Variants in CDH4 observed in about 807,000 individuals in gnomAD.
The protein encoded by CDH4 is cadherin-4.
CDH4 carries 33 observed loss-of-function variants against 86.0 expected under a neutral mutation model. The ratio of observed to expected loss-of-function variants is 0.38; its 90% CI spans 0.29 to 0.51. CDH4 has a LOEUF of 0.51. Ranked by LOEUF, CDH4 falls within the 20% of genes least tolerant of loss-of-function variation. CDH4 has a pLI of 0.86. For missense variants in CDH4, 1,114 were observed against 1,307.4 expected, an observed-to-expected ratio of 0.85 and a Z score of 2.28; for synonymous variants, 555 against 549.4, an observed-to-expected ratio of 1.01 and a Z score of -0.14.
At chr20:61,319,352 T>C (rs1382931838) in intron 2 of CDH4, among the ~76,000 whole-genome samples, 1 of 152,032 alleles carries the variant, frequency 6.6e-6, no homozygotes, top group Admixed American at 6.6e-5. Context: ...GATTAAAAAT[T>C]CCCTGTTATG....
At chr20:61,868,247 G>A (rs1488017227) in intron 6 of CDH4, among the ~76,000 whole-genome samples, 1 of 152,178 alleles carries the variant, frequency 6.6e-6, no homozygotes, top group African/African-American at 2.4e-5. Context: ...CGGGCATCCT[G>A]GGGCCGTCTG....
At chr20:61,434,039 G>A (rs2085266147) in intron 2 of CDH4, among the ~76,000 whole-genome samples, 1 of 152,114 alleles carries the variant, frequency 6.6e-6, no homozygotes, top group Non-Finnish European at 1.5e-5. Context: ...TCCTGCAAAG[G>A]GCCAGGCGTT....
At chr20:61,454,363 G>T (rs1011104557) in intron 2 of CDH4, among the ~76,000 whole-genome samples, 2 of 152,182 alleles carry the variant, frequency 1.3e-5, no homozygotes, top group African/African-American at 4.8e-5. Context: ...GATGGGAGGG[G>T]CACCCGGGTC....
chr20:61,544,780 GA>G lies in CDH4; in HGVS notation c.170-198782del, dbSNP rs891548031. ...GGCTTGGTCCATGGACTGGAAGCCTGACTCCCCCGACAGCCCTCCCTGCCCC... is the reference window on the plus strand; with the variant it reads ...GGCTTGGTCCATGGACTGGAAGCCTGCTCCCCCGACAGCCCTCCCTGCCCC... On this transcript the variant is annotated intron_variant, in intron 2 of 15. Transcript: ENST00000614565. The surrounding 1 kb of genome is among the most constrained non-coding windows in gnomAD (Gnocchi z 6.5). Among the ~76,000 whole-genome samples, 45 of 152,128 alleles carry G rather than the reference GA, an allele frequency of 3.0e-4. No homozygotes were observed. Among genetic ancestry groups the G allele is most frequent in the Admixed American group, 4.6e-4 (7 of 15,286 alleles).
chr20:61,562,174 C>G (rs112077150), intron 2 of CDH4, among the ~76,000 whole-genome samples: 88 of 42,546 alleles, frequency 2.1e-3, no homozygotes, highest in East Asian at 3.4e-3. Context: ...AGGGACCTCC[C>G]TGTGGAGAGG....
chr20:61,830,849 G>A (rs1367391423), intron 4 of CDH4, among the ~76,000 whole-genome samples: 1 of 152,214 alleles, frequency 6.6e-6, no homozygotes, highest in Admixed American at 6.5e-5. Flanking sequence ...GGAGCTGCAG[G>A]AGCTTGCCAA....
chr20:61,693,548 G>C (rs1288292360), intron 2 of CDH4, among the ~76,000 whole-genome samples: 2 of 152,246 alleles, frequency 1.3e-5, no homozygotes, highest in Non-Finnish European at 2.9e-5. Flanking sequence ...CACAGTGCCT[G>C]CTGCCCAGCC....
At chr20:61,506,387 C>T (rs985497208) in intron 2 of CDH4, among the ~76,000 whole-genome samples, 2 of 152,214 alleles carry the variant, frequency 1.3e-5, no homozygotes, top group Non-Finnish European at 2.9e-5. Context: ...TTCACATTTC[C>T]TACCATTGGT....
chr20:61,864,809 C>T (rs563781371), intron 6 of CDH4, among the ~76,000 whole-genome samples: 3 of 152,302 alleles, frequency 2.0e-5, no homozygotes, highest in East Asian at 1.9e-4. Context: ...CTGGTGAGTT[C>T]GCTGGGGCCT....
intron 2 of CDH4, among the ~76,000 whole-genome samples, chr20:61,733,155 A>G (rs2088215798): frequency 6.6e-6 from 1 of 152,118 alleles, no homozygotes; most frequent in South Asian, 2.1e-4. Flanking sequence ...GTCTCCTGGG[A>G]CGCTAGGTGC....
At chr20:61,324,484 CCT>C (rs1434905347) in intron 2 of CDH4, among the ~76,000 whole-genome samples, 2 of 152,150 alleles carry the variant, frequency 1.3e-5, no homozygotes, top group Admixed American at 6.6e-5. Context: ...TGCTGGCAGA[CCT>C]TGGCTGTGGG....
At chr20:61,448,580 C>T (rs1568848986) in intron 2 of CDH4, among the ~76,000 whole-genome samples, 1 of 152,048 alleles carries the variant, frequency 6.6e-6, no homozygotes, top group Non-Finnish European at 1.5e-5. Flanking sequence ...AAGGACAAAG[C>T]GGACTCTGAT....
intron 2 of CDH4, among the ~76,000 whole-genome samples, chr20:61,570,988 C>T (rs946892151): frequency 4.6e-5 from 7 of 152,088 alleles, no homozygotes; most frequent in African/African-American, 1.4e-4. Context: ...GAAGATTCGC[C>T]GCCTGTGTGT....
intron 2 of CDH4, among the ~76,000 whole-genome samples, chr20:61,644,465 C>T (rs957618536): frequency 1.3e-5 from 2 of 152,192 alleles, no homozygotes; most frequent in Non-Finnish European, 2.9e-5. Context: ...CCCCCTGCAC[C>T]CCTCAAGTCC....
In CDH4 at chr20:61,318,411, G is replaced by A. The variant is rs188163090; in HGVS notation, c.169+63474G>A. 5.9e-3 allele frequency among the ~76,000 whole-genome samples: 892 copies of A among 151,496 alleles called. 5 individuals carry two copies. Among genetic ancestry groups the A allele is most frequent in the Non-Finnish European group, 8.3e-3 (565 of 68,024 alleles). ...TGCTTTGAATGATTCAAAAACCTAAGCGTGTGACAATGATTTGAACTGACG... is the reference window on the plus strand; with the variant it reads ...TGCTTTGAATGATTCAAAAACCTAAACGTGTGACAATGATTTGAACTGACG... On this transcript the variant is annotated intron_variant, in intron 2 of 15. Coordinates refer to ENST00000614565, the MANE Select transcript of CDH4 (RefSeq NM_001794.5).
intron 2 of CDH4, among the ~76,000 whole-genome samples, chr20:61,688,586 C>G (rs2087615308): frequency 6.6e-6 from 1 of 152,214 alleles, no homozygotes; most frequent in African/African-American, 2.4e-5. Flanking sequence ...AGGCTGGAGT[C>G]CTCCAGGGAC....
chr20:61,257,486 T>C (rs1007666904), intron 2 of CDH4, among the ~76,000 whole-genome samples: 5 of 152,252 alleles, frequency 3.3e-5, no homozygotes, highest in Non-Finnish European at 7.3e-5. Context: ...AATGCGGGAC[T>C]TCGCTGCTGA....
chr20:61,784,880 C>T (rs1978790546), intron 4 of CDH4, among the ~76,000 whole-genome samples: 1 of 152,168 alleles, frequency 6.6e-6, no homozygotes, highest in Non-Finnish European at 1.5e-5. Context: ...CACGTCCCAT[C>T]CCCTTCCTGG....
At position 61,886,505 on chromosome 20, in the gene CDH4, G is replaced by C. The variant is rs573934696; in HGVS notation, c.1051-8405G>C. ...CCTGGCAGAAGCAGGAAGGGTAGGG[G>C]CCCCAGCCCAGGACAGGAGCATGCA... On this transcript the variant is annotated intron_variant, in intron 7 of 15. Coordinates refer to ENST00000614565, the MANE Select transcript of CDH4 (RefSeq NM_001794.5). Among the ~76,000 whole-genome samples, 22 of 152,322 alleles carry C rather than the reference G, an allele frequency of 1.4e-4. No individual in the cohort carries two copies. The East Asian group carries it at 4.2e-3, about 29-fold the overall frequency.
Sources: allele counts gnomAD v4.1 joint callset (sites outside exome capture counted in the v4.1 genomes callset), GRCh38; gene constraint gnomAD v4.1.1; non-coding constraint Gnocchi (gnomAD v3.1); transcripts MANE v1.5; gene names NCBI Gene and HGNC (gene_info 2026-07-23, HGNC 2026-07-21).